Variants in UNC13A observed in about 807,000 individuals in gnomAD.
UNC13A encodes protein unc-13 homolog A.
A neutral mutation model predicts 219.7 loss-of-function variants in UNC13A; 61 were observed. The ratio of observed to expected loss-of-function variants is 0.28; its 90% CI spans 0.23 to 0.34. The LOEUF (loss-of-function observed/expected upper bound fraction) is 0.34. UNC13A is among the 10% of genes least tolerant of loss of function. The pLI is 1.00. For synonymous variants in UNC13A, 920 were observed against 884.6 expected, an observed-to-expected ratio of 1.04 and a Z score of -0.71; for missense variants, 1,476 against 2,270.3, an observed-to-expected ratio of 0.65 and a Z score of 7.11.
intron 1 of UNC13A, among the ~76,000 whole-genome samples, chr19:17,682,680 G>A (rs2145932107): frequency 6.6e-6 from 1 of 152,332 alleles, no homozygotes; most frequent in East Asian, 1.9e-4. Flanking sequence ...ACGGAGGGAT[G>A]TGTGAAGGCT....
intron 34 of UNC13A, among the ~76,000 whole-genome samples, chr19:17,625,167 G>A (rs1226054494): frequency 2.0e-5 from 3 of 152,160 alleles, no homozygotes; most frequent in African/African-American, 4.8e-5. Flanking sequence ...GATGGGAAGG[G>A]GCCCCAATGT....
rs766351467 is a variant in UNC13A, at chr19:17,645,771, C to T, written c.2259G>A (p.Val753=). Residue 753 remains valine, a synonymous_variant, in exon 19 of 44, where the codon GTG becomes GTA. Transcript: ENST00000519716. ...CAGATTCCCTCTTGAACCTCTGTTT[C>T]ACGCGGGATTTGATGTCGTCATCCT... ...WDEDDDIKSR[V]KQRFKRESDD... 1.9e-6 allele frequency: 3 copies of T among 1,613,990 alleles called. No individual in the cohort carries two copies. In the African/African-American group the frequency reaches 4.0e-5, roughly 22 times the overall value.
At chr19:17,654,112 C>G (rs2079405825) in intron 11 of UNC13A, among the ~76,000 whole-genome samples, 2 of 152,174 alleles carry the variant, frequency 1.3e-5, no homozygotes. Context: ...CAGGCTTGAG[C>G]AACCACGCCC....
At position 17,617,755 on chromosome 19, in the gene UNC13A, G is replaced by A. The variant is rs761475197; in HGVS notation, c.4505C>T (p.Thr1502Met). The stretch of plus-strand genomic sequence containing the variant: ...CTTGATTAGCAGGTCGGTGGCCTGC[G>A]TGTAGAGCGACAGGGCATAGCGCAA... ...QSLRYALSLY[T>M]QATDLLIKTF... The change falls in exon 41 of 44, where the codon ACG becomes ATG. Residue 1502 changes from threonine to methionine, a missense_variant. Coordinates refer to ENST00000519716, the MANE Select transcript of UNC13A (RefSeq NM_001080421.3). 2 of 1,613,948 alleles carry A rather than the reference G, an allele frequency of 1.2e-6. No homozygotes were observed. Among genetic ancestry groups the A allele is most frequent in the Admixed American group, 1.7e-5 (1 of 60,026 alleles).
chr19:17,672,880 C>T lies in UNC13A; in HGVS notation c.153-385G>A, dbSNP rs117247008. Among the ~76,000 whole-genome samples the T allele has an allele frequency of 9.2e-3, 1,395 of 152,198 alleles. 15 individuals carry two copies. Among genetic ancestry groups the T allele is most frequent in the Non-Finnish European group, 0.016 (1,068 of 68,008 alleles). On this transcript the variant is annotated intron_variant, in intron 3 of 43. Coordinates refer to ENST00000519716, the MANE Select transcript of UNC13A (RefSeq NM_001080421.3). Reference sequence around the variant, plus strand: ...CCTTTACCTACAGGATAAGGACATTCGGGTCACCTCTGTCCTTCCCAGTGT... The same window carrying T: ...CCTTTACCTACAGGATAAGGACATTTGGGTCACCTCTGTCCTTCCCAGTGT...
chr19:17,630,420 A>T, intron 29 of UNC13A, 132 bp from the exon 30 acceptor site: 1 of 1,427,342 alleles, frequency 7.0e-7, no homozygotes, highest in Non-Finnish European at 9.4e-7. Flanking sequence ...AGGGCGAGGT[A>T]GACTTAGAGT....
chr19:17,611,715 G>A, intron 42 of UNC13A, 48 bp downstream of exon 42: 1 of 1,542,786 alleles, frequency 6.5e-7, no homozygotes, highest in Non-Finnish European at 8.9e-7. Flanking sequence ...TTTGAGTTTG[G>A]TTTCTGTTTT....
In UNC13A at chr19:17,621,733, C is replaced by G; in HGVS notation, c.4242+99G>C. Reference sequence around the variant, plus strand: ...GAGAGCTATCTCCTACCCACGACCCCCAGCTGCCCTTCCTGCCCAGGTGCA... The same window carrying G: ...GAGAGCTATCTCCTACCCACGACCCGCAGCTGCCCTTCCTGCCCAGGTGCA... On this transcript the variant is annotated intron_variant, in intron 37 of 43. Coordinates refer to ENST00000519716, the MANE Select transcript of UNC13A (RefSeq NM_001080421.3). 1.9e-5 allele frequency: 25 copies of G among 1,327,144 alleles called. No individual in the cohort carries two copies. In the South Asian group the frequency reaches 2.8e-4, roughly 15 times the overall value. The allele number at this position is 1,327,144 out of a possible 1,614,324, so 82.2% of individuals were successfully genotyped here.
intron 11 of UNC13A, among the ~76,000 whole-genome samples, chr19:17,654,735 A>G (rs1212714319): frequency 1.3e-5 from 2 of 152,086 alleles, no homozygotes; most frequent in Non-Finnish European, 2.9e-5. Flanking sequence ...ATTTGGCCCT[A>G]AGCACTGACC....
intron 9 of UNC13A, 106 bp from the exon 10 acceptor site, chr19:17,656,504 G>T: frequency 8.7e-7 from 1 of 1,149,566 alleles, no homozygotes; most frequent in Non-Finnish European, 1.2e-6. Flanking sequence ...CCTACGATGT[G>T]CCAGGTCCTG....
intron 1 of UNC13A, among the ~76,000 whole-genome samples, chr19:17,683,472 G>C (rs12974575): frequency 6.6e-6 from 1 of 151,654 alleles, no homozygotes; most frequent in Non-Finnish European, 1.5e-5. Context: ...ATTTTTAGTA[G>C]AGATGAGAAA....
Position 17,605,474 on chromosome 19 carries a change from CT to C in UNC13A, c.*579del, listed in dbSNP as rs947064369. The C allele has an allele frequency of 6.5e-6, 1 of 152,716 alleles. No individual in the cohort carries two copies. The highest frequency in any genetic ancestry group is 1.5e-5 in the Non-Finnish European group (1 of 68,110). 9.5% of individuals were successfully genotyped at this position (152,716 alleles called of 1,614,324 possible). A position where few individuals can be genotyped will look rare whatever the true frequency, so the allele number is the denominator to read the frequency against. Reference sequence around the variant, plus strand: ...TGCTTTTGAAATCCCATCCTCCCCCCTCCCCCCATTTATTTTTTGCACAAAT... The same window carrying C: ...TGCTTTTGAAATCCCATCCTCCCCCCCCCCCCATTTATTTTTTGCACAAAT... On this transcript the variant is annotated 3_prime_UTR_variant, in exon 44 of 44. Transcript: ENST00000519716.
At chr19:17,611,967 C>G in intron 41 of UNC13A, 112 bp from the exon 42 acceptor site, 3 of 863,924 alleles carry the variant, frequency 3.5e-6, no homozygotes, top group Non-Finnish European at 5.5e-6. Context: ...GTCATCAGCC[C>G]TGATAGGGAG....
rs1044322012 is a variant in UNC13A, at chr19:17,639,914, G to A, written c.2788-6C>T. The A allele has an allele frequency of 5.0e-6, 8 of 1,613,634 alleles. No homozygotes were observed. In the African/African-American group the frequency reaches 1.1e-4, roughly 22 times the overall value. On this transcript the variant is annotated splice_region_variant and splice_polypyrimidine_tract_variant and intron_variant, in intron 22 of 43. Transcript: ENST00000519716. Reference sequence around the variant, plus strand: ...AGTTTCACGAAGCGCTCTTTCTGAGGAGGAAGGGGAGGAGGGAGGATGGAT... The same window carrying A: ...AGTTTCACGAAGCGCTCTTTCTGAGAAGGAAGGGGAGGAGGGAGGATGGAT...
chr19:17,655,406 C>G, intron 10 of UNC13A, 24 bp from the exon 11 acceptor site: 1 of 1,542,054 alleles, frequency 6.5e-7, no homozygotes, highest in East Asian at 2.4e-5. Context: ...CGCTATGAGG[C>G]TCTGGGCTGG....
intron 31 of UNC13A, chr19:17,628,305 T>G (rs956691847): frequency 1.1e-5 from 3 of 276,404 alleles, no homozygotes; most frequent in Non-Finnish European, 2.1e-5. Context: ...AGTGACACAC[T>G]GAAGGCGTGT....
chr19:17,679,469 C>G (rs940620945), intron 1 of UNC13A, among the ~76,000 whole-genome samples: 3 of 146,534 alleles, frequency 2.0e-5, no homozygotes, highest in African/African-American at 7.6e-5. Flanking sequence ...GGAGGGCAGG[C>G]AGGTGGAGGA....
chr19:17,685,725 T>C (rs2080095652), intron 1 of UNC13A, among the ~76,000 whole-genome samples: 1 of 152,182 alleles, frequency 6.6e-6, no homozygotes, highest in Non-Finnish European at 1.5e-5. Flanking sequence ...ATGGTCTGCG[T>C]AGAGCCTTCA....
At chr19:17,630,405 G>A in intron 29 of UNC13A, 117 bp from the exon 30 acceptor site, 2 of 1,465,166 alleles carry the variant, frequency 1.4e-6, no homozygotes, top group Non-Finnish European at 9.1e-7. Context: ...GGGTGAGATG[G>A]ACAGAGGGCG....
Sources: allele counts gnomAD v4.1 joint callset (sites outside exome capture counted in the v4.1 genomes callset), GRCh38; gene constraint gnomAD v4.1.1; transcripts MANE v1.5; gene names NCBI Gene and HGNC (gene_info 2026-07-23, HGNC 2026-07-21).